ARHGEF4: variants seen among roughly 807,000 people sequenced by gnomAD.
The protein encoded by ARHGEF4 is Rho guanine nucleotide exchange factor 4.
Under a neutral mutation model 162.0 loss-of-function variants are expected in ARHGEF4, and 119 were observed. The observed-to-expected ratio is 0.73, with a 90% CI of 0.63 to 0.86. ARHGEF4 has a LOEUF of 0.86. Among genes scored for constraint, ARHGEF4 ranks in the 40% least tolerant of loss-of-function variants. The pLI is 0.00. For synonymous variants in ARHGEF4, 1,014 were observed against 979.9 expected, an observed-to-expected ratio of 1.03 and a Z score of -0.65; for missense variants, 2,488 against 2,456.0, an observed-to-expected ratio of 1.01 and a Z score of -0.28.
At chr2:130,988,638 C>G (rs1478312732) in intron 4 of ARHGEF4, among the ~76,000 whole-genome samples, 1 of 151,996 alleles carries the variant, frequency 6.6e-6, no homozygotes, top group Non-Finnish European at 1.5e-5. Context: ...ATTTCATGAC[C>G]TGTTTTCCCC....
chr2:130,899,280 C>T (rs1680351161), intron 1 of ARHGEF4, among the ~76,000 whole-genome samples: 1 of 152,222 alleles, frequency 6.6e-6, no homozygotes, highest in Non-Finnish European at 1.5e-5. Flanking sequence ...CTGCCCACCT[C>T]AGTGCCCGTG....
intron 4 of ARHGEF4, among the ~76,000 whole-genome samples, chr2:130,979,626 C>T (rs1685978256): frequency 1.3e-5 from 2 of 150,888 alleles, no homozygotes; most frequent in African/African-American, 4.9e-5. Context: ...ATCCCAGCTA[C>T]TCGGGAGGCT....
intron 11 of ARHGEF4, 77 bp downstream of exon 11, chr2:131,043,660 C>G: frequency 6.2e-7 from 1 of 1,601,764 alleles, no homozygotes; most frequent in Non-Finnish European, 8.5e-7. Context: ...GAGCAGCTGC[C>G]CAGAAGACAG....
chr2:130,915,212 T>G lies in ARHGEF4; in HGVS notation c.1266T>G (p.Gly422=), dbSNP rs1029752778. The part of the protein sequence containing the change: ...QRASQDTPSA[G]LLGENQLRQD... ...CCTCTCAGGACACTCCTTCTGCAGG[T>G]CTCCTGGGGGAAAACCAGTTAAGAC... Residue 422 remains glycine (G), a synonymous_variant, in exon 2 of 14, where the codon GGT becomes GGG. Transcript: ENST00000409359. The G allele has an allele frequency of 6.4e-7, 1 of 1,550,502 alleles. No homozygotes were observed.
At chr2:130,841,852 A>G (rs1425199637) in intron 1 of ARHGEF4, among the ~76,000 whole-genome samples, 2 of 152,190 alleles carry the variant, frequency 1.3e-5, no homozygotes, top group Admixed American at 6.5e-5. Flanking sequence ...TTGTGGAGCC[A>G]CTATCAAGCT....
intron 1 of ARHGEF4, among the ~76,000 whole-genome samples, chr2:130,849,385 A>G (rs762742125): frequency 5.3e-5 from 8 of 152,026 alleles, no homozygotes; most frequent in Non-Finnish European, 8.8e-5. Context: ...CTGCCCTTAG[A>G]GACAACCTTG....
At chr2:131,033,611 C>T (rs915250039) in intron 5 of ARHGEF4, among the ~76,000 whole-genome samples, 1 of 152,220 alleles carries the variant, frequency 6.6e-6, no homozygotes, top group African/African-American at 2.4e-5. Context: ...TGAGAGGACA[C>T]ATCACCATCT....
chr2:130,964,249 G>T (rs1684836110), intron 4 of ARHGEF4: 2 of 985,650 alleles, frequency 2.0e-6, no homozygotes, highest in South Asian at 4.7e-5. Flanking sequence ...GGCCACCGCC[G>T]GTAAGGACGC....
chr2:131,035,541 A>T, intron 5 of ARHGEF4: 1 of 531,658 alleles, frequency 1.9e-6, no homozygotes, highest in Non-Finnish European at 2.5e-6. Flanking sequence ...GTAACCGAGG[A>T]TGCGGATTCA....
intron 1 of ARHGEF4, among the ~76,000 whole-genome samples, chr2:130,838,146 G>A (rs2104842543): frequency 6.6e-6 from 1 of 152,372 alleles, no homozygotes; most frequent in East Asian, 1.9e-4. Flanking sequence ...GTAGGAGATG[G>A]CTTGGAAGAG....
intron 4 of ARHGEF4, among the ~76,000 whole-genome samples, chr2:130,991,753 C>A (rs546050876): frequency 1.3e-5 from 2 of 152,356 alleles, no homozygotes; most frequent in Admixed American, 6.5e-5. Context: ...CTGTGCAGCC[C>A]GAGCCTCCCA....
intron 4 of ARHGEF4, among the ~76,000 whole-genome samples, chr2:130,980,420 C>G (rs1260631276): frequency 6.6e-6 from 1 of 151,820 alleles, no homozygotes; most frequent in African/African-American, 2.4e-5. Context: ...AGTCCTATGC[C>G]AGACTTAGCA....
chr2:130,917,415 C>T lies in ARHGEF4; in HGVS notation c.3469C>T (p.Gln1157Ter), dbSNP rs1382198120. The T allele has an allele frequency of 3.2e-6, 5 of 1,550,528 alleles. No individual in the cohort carries two copies. ...LSLQTLNQDE[Q>*]KEESREGGQG... ...TCTGCAGACGCTAAACCAAGATGAG[C>T]AGAAGGAAGAGAGCAGGGAAGGAGG... is the stretch of plus-strand genomic sequence containing the variant. Residue 1157 changes from glutamine to a stop codon, truncating the protein, a stop_gained, in exon 2 of 14, where the codon CAG (glutamine) becomes TAG (stop). Coordinates refer to ENST00000409359, the MANE Select transcript of ARHGEF4 (RefSeq NM_001367493.1). LOFTEE classifies it high-confidence loss of function.
chr2:130,916,757 TC>T lies in ARHGEF4; in HGVS notation c.2814del (p.Lys939ArgfsTer18), dbSNP rs1254975316. ...ACACCCATGAACGTTCCCCAAGTTC[TC>T]CCAAGGGCGAGAAGGAGAAGAGCAG... The part of the protein sequence containing the change: ...ENTHERSPSS[P>X]KGEKEKSRLR... On this transcript the variant is annotated frameshift_variant, in exon 2 of 14. Coordinates refer to ENST00000409359, the MANE Select transcript of ARHGEF4 (RefSeq NM_001367493.1). LOFTEE classifies it high-confidence loss of function. The T allele has an allele frequency of 6.4e-7, 1 of 1,550,478 alleles. No individual in the cohort carries two copies. The highest frequency in any genetic ancestry group is 8.7e-7 in the Non-Finnish European group (1 of 1,147,034).
intron 1 of ARHGEF4, among the ~76,000 whole-genome samples, chr2:130,846,730 CCAGGCAGCTGGGACACT>C (rs1263412639): frequency 1.3e-5 from 2 of 152,144 alleles, no homozygotes; most frequent in Non-Finnish European, 2.9e-5. Context: ...AGCTGGACAG[CCAGGCAGCTGGGACACT>C]CAGGCAGCTG....
At chr2:131,013,659 G>A (rs1688611386) in intron 4 of ARHGEF4, among the ~76,000 whole-genome samples, 1 of 152,154 alleles carries the variant, frequency 6.6e-6, no homozygotes, top group Non-Finnish European at 1.5e-5. Flanking sequence ...GGAGTGCAGT[G>A]GTGCGATCTT....
Position 131,040,074 on chromosome 2 carries a change from G to T in ARHGEF4, c.4364G>T (p.Gly1455Val). The change falls in exon 7 of 14, where the codon GGA becomes GTA. Residue 1455 changes from glycine (G) to valine (V), a missense_variant. Gly to Val is a moderately radical substitution (Grantham distance 109, BLOSUM62 -3). Transcript: ENST00000409359. ...GACGCCCCTCTGGCCGGGAACAGCG[G>T]AGCGGAGGACGGCGGGGCGGAGGCG... is the stretch of plus-strand genomic sequence containing the variant. ...DDDAPLAGNS[G>V]AEDGGAEAQS... The T allele has an allele frequency of 6.2e-7, 1 of 1,601,672 alleles. No individual in the cohort carries two copies. The highest frequency in any genetic ancestry group is 8.5e-7 in the Non-Finnish European group (1 of 1,174,432).
intron 3 of ARHGEF4, 97 bp from the exon 4 acceptor site, chr2:130,946,412 T>G (rs1043526588): frequency 1.4e-6 from 2 of 1,459,234 alleles, no homozygotes; most frequent in Non-Finnish European, 1.8e-6. Flanking sequence ...CTGTTCACAA[T>G]GAAAAGTCCT....
Position 130,914,278 on chromosome 2 carries a change from C to T in ARHGEF4, c.332C>T (p.Thr111Ile). The change falls in exon 2 of 14, where the codon ACT (threonine) becomes ATT (isoleucine). Residue 111 changes from threonine to isoleucine, a missense_variant. Thr to Ile is a moderately conservative substitution (Grantham distance 89, BLOSUM62 -1). Transcript: ENST00000409359. ...APWEYPDVSA[T>I]GPPQEQHLTS... ...TGGGAATACCCTGATGTCTCAGCAA[C>T]TGGACCCCCTCAGGAGCAGCATTTG... is the stretch of plus-strand genomic sequence containing the variant. The T allele has an allele frequency of 6.6e-7, 1 of 1,526,428 alleles. No individual in the cohort carries two copies. The highest frequency in any genetic ancestry group is 1.4e-5 in the African/African-American group (1 of 72,910). The allele number at this position is 1,526,428 out of a possible 1,614,324, so 94.6% of individuals were successfully genotyped here. A position where few individuals can be genotyped will look rare whatever the true frequency, so the allele number is the denominator to read the frequency against.
Sources: allele counts gnomAD v4.1 joint callset (sites outside exome capture counted in the v4.1 genomes callset), GRCh38; gene constraint gnomAD v4.1.1; transcripts MANE v1.5; gene names NCBI Gene and HGNC (gene_info 2026-07-23, HGNC 2026-07-21).